Variants in FUT1 observed in about 807,000 individuals in gnomAD.
FUT1 encodes fucosyltransferase 1 (H blood group).
For missense variants in FUT1, 476 were observed against 492.7 expected (o/e 0.97, Z 0.32); for synonymous variants, 215 against 208.7 (o/e 1.03, Z -0.26).
In FUT1 at chr19:48,752,162, C is replaced by T; in HGVS notation, c.-3+328G>A. Among the ~76,000 whole-genome samples the T allele has an allele frequency of 6.6e-6, 1 of 150,762 alleles. No homozygotes were observed. The highest frequency in any genetic ancestry group is 2.0e-4 in the East Asian group (1 of 5,096). On this transcript the variant is annotated intron_variant, in intron 1 of 1. Coordinates refer to ENST00000645652, the MANE Select transcript of FUT1 (RefSeq NM_001384359.1). This position sits in a 1 kb window ranked among gnomAD's most constrained non-coding sequence, Gnocchi z 4.3. The stretch of plus-strand genomic sequence containing the variant: ...AAGTGGTCCAGGTTCCTACACCTTT[C>T]CTGAAGGAATCTCGAGTCTCCCCTC...
Position 48,750,269 on chromosome 19 carries a change from A to T in FUT1, c.1013T>A (p.Ile338Asn), listed in dbSNP as rs200387099. The T allele has an allele frequency of 1.1e-5, 17 of 1,614,156 alleles. No homozygotes were observed. The highest frequency in any genetic ancestry group is 1.4e-5 in the Non-Finnish European group (17 of 1,180,016). ...CAGGAAGGCCGCCTCCGGCTTAAAG[A>T]TCTTCAGGAACTCAGAGTCTGGCAG... Reference protein sequence around the residue: ...FTLPDSEFLKIFKPEAAFLPE... With the variant: ...FTLPDSEFLKNFKPEAAFLPE... Residue 338 changes from isoleucine (I) to asparagine (N), a missense_variant, in exon 2 of 2, where the codon ATC (isoleucine) becomes AAC (asparagine). Ile to Asn is a moderately radical substitution (Grantham distance 149). Transcript: ENST00000645652.
rs2034019300 is a variant in FUT1, at chr19:48,752,454, T to TC, written c.-3+35dup. The TC allele has an allele frequency of 1.0e-6, 1 of 980,744 alleles. No homozygotes were observed. The highest frequency in any genetic ancestry group is 1.8e-5 in the African/African-American group (1 of 57,026). 60.8% of individuals were successfully genotyped at this position (980,744 alleles called of 1,614,324 possible). On this transcript the variant is annotated intron_variant, in intron 1 of 1. Coordinates refer to ENST00000645652, the MANE Select transcript of FUT1 (RefSeq NM_001384359.1). The surrounding 1 kb of genome is among the most constrained non-coding windows in gnomAD (Gnocchi z 4.3). ...TGGTTCTGAAGGAGTTGTTCCTGGG[T>TC]CCCAGGAACAACTGAGTGGGGCAGT...
Position 48,750,771 on chromosome 19 carries a change from A to C in FUT1, c.511T>G (p.Trp171Gly). ...TCCCGGAGATGGTGGAAGAAAGTCCAAGAGCAGGGGAAGCCAGAGAGCTTC... is the reference window on the plus strand; with the variant it reads ...TCCCGGAGATGGTGGAAGAAAGTCCCAGAGCAGGGGAAGCCAGAGAGCTTC... ...FLKLSGFPCS[W>G]TFFHHLREQI... is the part of the protein sequence containing the mutation. The change falls in exon 2 of 2, where the codon TGG (tryptophan) becomes GGG (glycine). Residue 171 changes from tryptophan (W) to glycine (G), a missense_variant. Coordinates refer to ENST00000645652, the MANE Select transcript of FUT1 (RefSeq NM_001384359.1). The C allele has an allele frequency of 6.2e-7, 1 of 1,613,968 alleles. No individual in the cohort carries two copies. The highest frequency in any genetic ancestry group is 2.2e-5 in the East Asian group (1 of 44,876).
chr19:48,752,287 G>A lies in FUT1; in HGVS notation c.-3+203C>T, dbSNP rs946523606. 6.6e-6 allele frequency among the ~76,000 whole-genome samples: 1 copy of A among 152,112 alleles called. No individual in the cohort carries two copies. On this transcript the variant is annotated intron_variant, in intron 1 of 1. Coordinates refer to ENST00000645652, the MANE Select transcript of FUT1 (RefSeq NM_001384359.1). This position sits in a 1 kb window ranked among gnomAD's most constrained non-coding sequence, Gnocchi z 4.3. ...CACCACAGAGGTGGTGATGGGAAAC[G>A]ATAGTTCAAGTAAAACAAGAGAGGC...
upstream of FUT1, chr19:48,753,642 C>T (rs1159233867): frequency 6.5e-6 from 1 of 153,856 alleles, no homozygotes; most frequent in Admixed American, 6.5e-5. Flanking sequence ...CCCGGGGGAC[C>T]ACTACCATCA....
rs2033988019 is a variant in FUT1, at chr19:48,750,830, G to GACATCC, written c.446_451dup (p.Trp149_Met150dup). On this transcript the variant is annotated inframe_insertion, in exon 2 of 2. Coordinates refer to ENST00000645652, the MANE Select transcript of FUT1 (RefSeq NM_001384359.1). ...ATCTCTCAAGTCCGCGTACTCCTCC[G>GACATCC]ACATCCAGTCGTGAAGCTGCAGCTC... 6.2e-7 allele frequency: 1 copy of GACATCC among 1,613,724 alleles called. No individual in the cohort carries two copies. Among genetic ancestry groups the GACATCC allele is most frequent in the Non-Finnish European group, 8.5e-7 (1 of 1,180,012 alleles).
Position 48,748,692 on chromosome 19 carries a change from G to T in FUT1, c.*1492C>A, listed in dbSNP as rs2033944942. The T allele has an allele frequency of 6.6e-6, 1 of 152,342 alleles. No individual in the cohort carries two copies. Among genetic ancestry groups the T allele is most frequent in the Non-Finnish European group, 1.5e-5 (1 of 68,042 alleles). 9.4% of individuals were successfully genotyped at this position (152,342 alleles called of 1,614,324 possible). On this transcript the variant is annotated 3_prime_UTR_variant, in exon 2 of 2. Transcript: ENST00000645652. The stretch of plus-strand genomic sequence containing the variant: ...AAAAAAGTCTTTGAGGGGCTGTGGG[G>T]CTTGTTGGACAGAGTCCCGCTCTGC...
rs2034018587 is a variant in FUT1, at chr19:48,752,404, G to A, written c.-3+86C>T. On this transcript the variant is annotated intron_variant, in intron 1 of 1. Transcript: ENST00000645652. This position sits in a 1 kb window ranked among gnomAD's most constrained non-coding sequence, Gnocchi z 4.3. ...ATTCCTAGGGCCTTAGGAAGACCTG[G>A]AGAAGAGGTTGGGGGTGCACCTCCT... The A allele has an allele frequency of 3.5e-6, 3 of 851,868 alleles. No homozygotes were observed. The highest frequency in any genetic ancestry group is 1.1e-4 in the South Asian group (2 of 18,626). The allele number at this position is 851,868 out of a possible 1,614,324, so 52.8% of individuals were successfully genotyped here.
Position 48,750,241 on chromosome 19 carries a change from G to A in FUT1, c.1041C>T (p.Pro347=), listed in dbSNP as rs148193888. The A allele has an allele frequency of 6.1e-5, 98 of 1,613,400 alleles. No homozygotes were observed. The highest frequency in any genetic ancestry group is 1.7e-4 in the Middle Eastern group (1 of 6,060). The part of the protein sequence containing the change: ...KIFKPEAAFL[P]EWVGINADLS... ...AGTCTGCATTAATGCCCACCCACTCGGGCAGGAAGGCCGCCTCCGGCTTAA... is the reference window on the plus strand; with the variant it reads ...AGTCTGCATTAATGCCCACCCACTCAGGCAGGAAGGCCGCCTCCGGCTTAA... Residue 347 remains proline, a synonymous_variant, in exon 2 of 2, where the codon CCC becomes CCT. Transcript: ENST00000645652.
chr19:48,752,317 G>A lies in FUT1; in HGVS notation c.-3+173C>T, dbSNP rs2034017294. Among the ~76,000 whole-genome samples the A allele has an allele frequency of 6.6e-6, 1 of 152,144 alleles. No homozygotes were observed. The highest frequency in any genetic ancestry group is 1.5e-5 in the Non-Finnish European group (1 of 68,028). On this transcript the variant is annotated intron_variant, in intron 1 of 1. Transcript: ENST00000645652. This position sits in a 1 kb window ranked among gnomAD's most constrained non-coding sequence, Gnocchi z 4.3. ...TTCAAGTAAAACAAGAGAGGCTGGA[G>A]GGTCAGGAGCGGAAGGAGCATCTTG...
chr19:48,751,220 A>G lies in FUT1; in HGVS notation c.62T>C (p.Val21Ala), dbSNP rs2033998077. 1 of 1,614,202 alleles carries G rather than the reference A, an allele frequency of 6.2e-7. No individual in the cohort carries two copies. The highest frequency in any genetic ancestry group is 8.5e-7 in the Non-Finnish European group (1 of 1,180,036). ...LAFLLVCVLS[V>A]IFFLHIHQDS... ...TTGATGGATATGGAGGAAGAAGATT[A>G]CAGAGAGGACACAGACTAGCAGGAA... The change falls in exon 2 of 2, where the codon GTA (valine) becomes GCA (alanine). Residue 21 changes from valine (V) to alanine (A), a missense_variant. By Grantham distance (64) the Val-to-Ala change is moderately conservative (BLOSUM62 0). Transcript: ENST00000645652.
chr19:48,753,461 A>C (rs2034036722), upstream of FUT1: 1 of 152,090 alleles, frequency 6.6e-6, no homozygotes, highest in African/African-American at 2.4e-5. Context: ...TAATTAAAGC[A>C]TTTTCTCTGG....
Position 48,750,029 on chromosome 19 carries a change from C to T in FUT1, c.*155G>A. On this transcript the variant is annotated 3_prime_UTR_variant, in exon 2 of 2. Coordinates refer to ENST00000645652, the MANE Select transcript of FUT1 (RefSeq NM_001384359.1). ...ATTCAGACAGTTCCAGAAACGTCCC[C>T]CTTCTCTCCAACTCTCCCAACTAGA... is the stretch of plus-strand genomic sequence containing the variant. 1 of 866,768 alleles carries T rather than the reference C, an allele frequency of 1.2e-6. No individual in the cohort carries two copies. Among genetic ancestry groups the T allele is most frequent in the African/African-American group, 1.7e-5 (1 of 59,288 alleles). The allele number at this position is 866,768 out of a possible 1,614,324, so 53.7% of individuals were successfully genotyped here.
intron 1 of FUT1, among the ~76,000 whole-genome samples, 200 bp from the exon 2 acceptor site, chr19:48,751,483 G>A (rs1003271853): frequency 6.6e-6 from 1 of 152,068 alleles, no homozygotes; most frequent in Non-Finnish European, 1.5e-5. Flanking sequence ...TTGGAATTTC[G>A]GGGCATGGGG....
upstream of FUT1, among the ~76,000 whole-genome samples, chr19:48,754,256 G>A (rs2034053265): frequency 6.6e-6 from 1 of 151,920 alleles, no homozygotes; most frequent in South Asian, 2.1e-4. Flanking sequence ...AGAGGAACCA[G>A]GAGTACGGGA....
Position 48,750,258 on chromosome 19 carries a change from C to G in FUT1, c.1024G>C (p.Glu342Gln), listed in dbSNP as rs754875478. ...ACCCACTCGGGCAGGAAGGCCGCCT[C>G]CGGCTTAAAGATCTTCAGGAACTCA... ...DSEFLKIFKP[E>Q]AAFLPEWVGI... The change falls in exon 2 of 2, where the codon GAG becomes CAG. Residue 342 changes from glutamate (E) to glutamine (Q), a missense_variant. Coordinates refer to ENST00000645652, the MANE Select transcript of FUT1 (RefSeq NM_001384359.1). 7 of 1,614,028 alleles carry G rather than the reference C, an allele frequency of 4.3e-6. No homozygotes were observed. The East Asian group carries it at 1.6e-4, about 36-fold the overall frequency.
In FUT1 at chr19:48,751,171, G is replaced by T. The variant is rs776909337; in HGVS notation, c.111C>A (p.Gly37=). 14 of 1,614,166 alleles carry T rather than the reference G, an allele frequency of 8.7e-6. No individual in the cohort carries two copies. In the Admixed American group the frequency reaches 1.5e-4, roughly 17 times the overall value. Residue 37 remains glycine, a synonymous_variant, in exon 2 of 2, where the codon GGC becomes GGA. Coordinates refer to ENST00000645652, the MANE Select transcript of FUT1 (RefSeq NM_001384359.1). ...GGCGGTCTGGACACAGGATCGACAG[G>T]CCTAGGCCATGTGGAAAGCTGTCTT... The part of the protein sequence containing the change: ...IHQDSFPHGL[G]LSILCPDRRL...
At position 48,750,087 on chromosome 19, in the gene FUT1, G is replaced by A; in HGVS notation, c.*97C>T. The A allele has an allele frequency of 6.8e-7, 1 of 1,469,656 alleles. No individual in the cohort carries two copies. Among genetic ancestry groups the A allele is most frequent in the South Asian group, 1.2e-5 (1 of 82,188 alleles). The allele number at this position is 1,469,656 out of a possible 1,614,324, so 91.0% of individuals were successfully genotyped here. ...TGGATACGGGCACCCATTTGCTTCA[G>A]GAACACCACAAGCTTCTCCAGAAGA... On this transcript the variant is annotated 3_prime_UTR_variant, in exon 2 of 2. Coordinates refer to ENST00000645652, the MANE Select transcript of FUT1 (RefSeq NM_001384359.1).
In FUT1 at chr19:48,750,235, C is replaced by G. The variant is rs1438752561; in HGVS notation, c.1047G>C (p.Trp349Cys). The G allele has an allele frequency of 1.9e-6, 3 of 1,612,874 alleles. No homozygotes were observed. Among genetic ancestry groups the G allele is most frequent in the Admixed American group, 1.7e-5 (1 of 59,750 alleles). Residue 349 changes from tryptophan to cysteine, a missense_variant, in exon 2 of 2, where the codon TGG becomes TGC. Physicochemically the swap from Trp to Cys is radical, Grantham distance 215 (BLOSUM62 -2). Transcript: ENST00000645652. ...GAGACAAGTCTGCATTAATGCCCAC[C>G]CACTCGGGCAGGAAGGCCGCCTCCG... ...FKPEAAFLPE[W>C]VGINADLSPL...
Sources: gnomAD v4.1 joint callset for allele counts (sites outside exome capture counted in the v4.1 genomes callset) on GRCh38, gnomAD v4.1.1 for gene constraint, Gnocchi (gnomAD v3.1) non-coding constraint, MANE v1.5 for transcripts, NCBI Gene and HGNC (gene_info 2026-07-23, HGNC 2026-07-21) for gene names.